Variants in POT1 observed in about 807,000 individuals in gnomAD.
POT1 encodes the protein protection of telomeres protein 1.
Under a neutral mutation model 78.5 loss-of-function variants are expected in POT1, and 47 were observed. The ratio of observed to expected loss-of-function variants is 0.60; its 90% CI spans 0.47 to 0.76. The LOEUF (loss-of-function observed/expected upper bound fraction) is 0.76. Ranked by LOEUF, POT1 falls within the 30% of genes least tolerant of loss-of-function variation. The pLI, the probability that POT1 is intolerant of heterozygous loss-of-function variation, is 0.00. For missense variants in POT1, 646 were observed against 749.9 expected (o/e 0.86, Z 1.62); for synonymous variants, 259 against 260.7 (o/e 0.99, Z 0.06).
chr7:124,891,123 C>T (rs1053746087), intron 6 of POT1, among the ~76,000 whole-genome samples: 3 of 151,714 alleles, frequency 2.0e-5, no homozygotes, highest in African/African-American at 7.2e-5. Flanking sequence ...GAAATGAAAC[C>T]TCCTACTATA....
intron 11 of POT1, among the ~76,000 whole-genome samples, chr7:124,850,436 A>G (rs1222768144): frequency 6.6e-6 from 1 of 152,226 alleles, no homozygotes; most frequent in Non-Finnish European, 1.5e-5. Context: ...TTAGAATTAA[A>G]TAATAATGCG....
chr7:124,897,962 T>A (rs1387473094), intron 4 of POT1, among the ~76,000 whole-genome samples: 1 of 151,966 alleles, frequency 6.6e-6, no homozygotes, highest in Non-Finnish European at 1.5e-5. Flanking sequence ...TGAAATCAAG[T>A]AGAACAAAGT....
At chr7:124,924,183 T>TG (rs1367512693) in intron 2 of POT1, among the ~76,000 whole-genome samples, 13 of 125,236 alleles carry the variant, frequency 1.0e-4, no homozygotes, top group Non-Finnish European at 2.3e-4. Flanking sequence ...AAAGGATCAA[T>TG]GAAAAAAAAG....
chr7:124,842,093 C>G (rs1282923026), intron 13 of POT1, among the ~76,000 whole-genome samples: 3 of 152,082 alleles, frequency 2.0e-5, no homozygotes, highest in East Asian at 3.9e-4. Flanking sequence ...GATATTTACA[C>G]ATTGTAGCAC....
intron 3 of POT1, among the ~76,000 whole-genome samples, chr7:124,912,633 T>C (rs1250721811): frequency 6.6e-6 from 1 of 152,174 alleles, no homozygotes; most frequent in Non-Finnish European, 1.5e-5. Flanking sequence ...AAGGACAACT[T>C]TGTTTGGCTC....
intron 2 of POT1, among the ~76,000 whole-genome samples, chr7:124,921,726 GC>G (rs1212875082): frequency 6.6e-6 from 1 of 151,928 alleles, no homozygotes; most frequent in Non-Finnish European, 1.5e-5. Flanking sequence ...AATCCTCTCT[GC>G]CACACAAATA....
intron 15 of POT1, 72 bp downstream of exon 15, chr7:124,835,207 T>C: frequency 6.4e-7 from 1 of 1,554,862 alleles, no homozygotes; most frequent in Non-Finnish European, 8.8e-7. Context: ...CAAACCTCCA[T>C]GTTCAGCACA....
chr7:124,829,952 C>A (rs1249158700), intron 15 of POT1, among the ~76,000 whole-genome samples: 1 of 152,106 alleles, frequency 6.6e-6, no homozygotes. Flanking sequence ...CCTGCCTTGG[C>A]CTCCCAAAGT....
intron 3 of POT1, among the ~76,000 whole-genome samples, chr7:124,902,845 T>C (rs939993627): frequency 1.3e-5 from 2 of 151,172 alleles, no homozygotes; most frequent in African/African-American, 4.9e-5. Context: ...ACCAAGCAAA[T>C]GGAAACAAAA....
At chr7:124,878,629 T>C (rs1796046339) in intron 6 of POT1, among the ~76,000 whole-genome samples, 1 of 152,026 alleles carries the variant, frequency 6.6e-6, no homozygotes, top group African/African-American at 2.4e-5. Flanking sequence ...AAATTTAAAT[T>C]AAAACAATAA....
At chr7:124,924,468 G>A (rs1336163029) in intron 2 of POT1, among the ~76,000 whole-genome samples, 2 of 151,646 alleles carry the variant, frequency 1.3e-5, no homozygotes, top group Non-Finnish European at 3.0e-5. Context: ...ATGACAGCAA[G>A]ACTGTATCAG....
chr7:124,846,874 G>C (rs372397583), intron 12 of POT1, 68 bp downstream of exon 12: 11 of 1,070,798 alleles, frequency 1.0e-5, no homozygotes, highest in Non-Finnish European at 1.4e-5. Flanking sequence ...GGATTAGCTG[G>C]TAAGTGTAGA....
chr7:124,830,247 A>G (rs1449205861), intron 15 of POT1, among the ~76,000 whole-genome samples: 3 of 152,178 alleles, frequency 2.0e-5, no homozygotes, highest in Non-Finnish European at 4.4e-5. Flanking sequence ...GAATACCAAC[A>G]TATTTTAACT....
intron 6 of POT1, among the ~76,000 whole-genome samples, chr7:124,877,840 CAAAAAAAAAAAAAAAAAA>C (rs201285982): frequency 2.5e-5 from 2 of 80,536 alleles, no homozygotes; most frequent in Admixed American, 1.3e-4. Context: ...GATTCTGTCT[CAAAAAAAAAAAAAAAAAA>C]AAAAAAAAAA....
intron 3 of POT1, among the ~76,000 whole-genome samples, chr7:124,910,110 G>A (rs1314464190): frequency 6.6e-6 from 1 of 151,754 alleles, no homozygotes; most frequent in Admixed American, 6.6e-5. Context: ...AAACCTGGAA[G>A]GGTACTAAAA....
chr7:124,830,360 A>C (rs990445930), intron 15 of POT1, among the ~76,000 whole-genome samples: 3 of 152,172 alleles, frequency 2.0e-5, no homozygotes, highest in Non-Finnish European at 4.4e-5. Context: ...AAAGTTCGAA[A>C]GGTCCATGCA....
chr7:124,912,596 C>T (rs1389375918), intron 3 of POT1, among the ~76,000 whole-genome samples: 2 of 152,070 alleles, frequency 1.3e-5, no homozygotes, highest in African/African-American at 4.8e-5. Flanking sequence ...GGTTTATTGT[C>T]TTTCTTCCCT....
chr7:124,858,363 G>C (rs10233306), intron 9 of POT1, among the ~76,000 whole-genome samples: 91,244 of 151,940 alleles, frequency 0.6, 27,520 homozygotes, highest in African/African-American at 0.65. Context: ...AGATATAATA[G>C]AGAAAAGAAA....
chr7:124,840,432 T>G (rs980131241), intron 14 of POT1, among the ~76,000 whole-genome samples: 1 of 151,552 alleles, frequency 6.6e-6, no homozygotes, highest in Non-Finnish European at 1.5e-5. Context: ...AAATTTGCCA[T>G]GAAAAAAAAT....
Sources: gnomAD v4.1 joint callset for allele counts (sites outside exome capture counted in the v4.1 genomes callset) on GRCh38, gnomAD v4.1.1 for gene constraint, MANE v1.5 for transcripts, NCBI Gene and HGNC (gene_info 2026-07-23, HGNC 2026-07-21) for gene names.